Variants in CENPW observed in about 807,000 individuals in gnomAD.
CENPW encodes the protein cancer-up-regulated gene 2 protein.
Under a neutral mutation model 11.1 loss-of-function variants are expected in CENPW, and 3 were observed. The observed-to-expected ratio is 0.27, with a 90% confidence interval of 0.12 to 0.70. CENPW has a LOEUF of 0.70. Among genes scored for constraint, CENPW ranks in the 30% least tolerant of loss-of-function variants. The probability of loss-of-function intolerance (pLI) is 0.77; values close to 1 mark genes in which losing one functional copy is unlikely to be tolerated. For missense variants in CENPW, 100 were observed against 105.6 expected (o/e 0.95, Z 0.23); for synonymous variants, 38 against 42.0 (o/e 0.91, Z 0.37).
At chr6:126,340,901 A>G (rs1780294138) in intron 1 of CENPW, among the ~76,000 whole-genome samples, 1 of 151,762 alleles carries the variant, frequency 6.6e-6, no homozygotes, top group African/African-American at 2.4e-5. Context: ...TCTCTCCTCT[A>G]TTTACGCATT....
chr6:126,469,641 G>C, the CENPW span, among the ~76,000 whole-genome samples: 1 of 152,190 alleles, frequency 6.6e-6, no homozygotes. Context: ...ACTTCCTGGA[G>C]ACTTGTTGAA....
At chr6:126,463,067 G>A in the CENPW span, among the ~76,000 whole-genome samples, 2 of 151,994 alleles carry the variant, frequency 1.3e-5, no homozygotes, top group African/African-American at 4.8e-5. Context: ...ATAAAGTCTG[G>A]AATCACGAGT....
At chr6:126,456,058 G>C in the CENPW span, among the ~76,000 whole-genome samples, 1 of 151,148 alleles carries the variant, frequency 6.6e-6, no homozygotes, top group African/African-American at 2.4e-5. Context: ...AAAGAAATCA[G>C]AGATAACACA....
Position 126,340,241 on chromosome 6 carries a change from G to C in CENPW, c.-33G>C, listed in dbSNP as rs1219526811. The C allele has an allele frequency of 6.2e-7, 1 of 1,609,672 alleles. No homozygotes were observed. Among genetic ancestry groups the C allele is most frequent in the African/African-American group, 1.3e-5 (1 of 74,748 alleles). On this transcript the variant is annotated 5_prime_UTR_variant, in exon 1 of 3. Coordinates refer to ENST00000368328, the MANE Select transcript of CENPW (RefSeq NM_001012507.4). ...TTGTGTGCGATACAGAGAGCACCTC[G>C]GAAGCTGAGGCAGCTGGTACTTGAC... is the stretch of plus-strand genomic sequence containing the variant.
the CENPW span, among the ~76,000 whole-genome samples, chr6:126,480,370 C>T: frequency 6.6e-6 from 1 of 151,900 alleles, no homozygotes; most frequent in Non-Finnish European, 1.5e-5. Context: ...GTTTCTTAAC[C>T]AATGCTGGCT....
At chr6:126,344,559 G>A (rs930580258) in intron 1 of CENPW, among the ~76,000 whole-genome samples, 1 of 152,146 alleles carries the variant, frequency 6.6e-6, no homozygotes, top group Non-Finnish European at 1.5e-5. Context: ...AAATAAATGG[G>A]CTATCATTGA....
the CENPW span, among the ~76,000 whole-genome samples, chr6:126,413,470 A>T: frequency 6.6e-6 from 1 of 152,174 alleles, no homozygotes; most frequent in East Asian, 1.9e-4. Flanking sequence ...CAACTAAATT[A>T]TAATACTTAG....
the CENPW span, among the ~76,000 whole-genome samples, chr6:126,430,612 C>T: frequency 6.6e-6 from 1 of 152,096 alleles, no homozygotes; most frequent in African/African-American, 2.4e-5. Flanking sequence ...GAACTCTTTT[C>T]ATAGTAGTGG....
At chr6:126,366,875 G>C in the CENPW span, among the ~76,000 whole-genome samples, 2 of 152,182 alleles carry the variant, frequency 1.3e-5, no homozygotes, top group African/African-American at 4.8e-5. Flanking sequence ...TATCTCATCT[G>C]ATGGTGGGAG....
the CENPW span, among the ~76,000 whole-genome samples, chr6:126,436,575 T>A: frequency 6.6e-6 from 1 of 151,808 alleles, no homozygotes; most frequent in African/African-American, 2.4e-5. Flanking sequence ...AAGGATGCAG[T>A]TTAGGGTCCA....
chr6:126,380,600 TA>T, the CENPW span, among the ~76,000 whole-genome samples: 2 of 152,194 alleles, frequency 1.3e-5, no homozygotes, highest in African/African-American at 4.8e-5. Context: ...AAGCCATGGA[TA>T]GGGGGCACCC....
chr6:126,455,882 T>A, the CENPW span, among the ~76,000 whole-genome samples: 22 of 151,320 alleles, frequency 1.5e-4, no homozygotes, highest in Non-Finnish European at 2.7e-4. Flanking sequence ...AGGTTTTGGA[T>A]ACAAAATTAA....
the CENPW span, among the ~76,000 whole-genome samples, chr6:126,438,327 G>T: frequency 6.6e-6 from 1 of 151,790 alleles, no homozygotes; most frequent in East Asian, 1.9e-4. Context: ...AAATAAAAAT[G>T]TAGCTGAATG....
the CENPW span, among the ~76,000 whole-genome samples, chr6:126,480,221 T>C: frequency 1.3e-5 from 2 of 152,026 alleles, no homozygotes; most frequent in African/African-American, 4.8e-5. Context: ...ATAATGTTAA[T>C]ATAAGAAATT....
chr6:126,451,388 C>G, the CENPW span, among the ~76,000 whole-genome samples: 1 of 151,030 alleles, frequency 6.6e-6, no homozygotes. Flanking sequence ...CATTGGTGTT[C>G]TCTGGCCTGA....
At chr6:126,379,418 C>G in the CENPW span, among the ~76,000 whole-genome samples, 1 of 152,118 alleles carries the variant, frequency 6.6e-6, no homozygotes. Context: ...CTTACTAATA[C>G]TTGAGTGTGA....
At chr6:126,416,599 A>G in the CENPW span, among the ~76,000 whole-genome samples, 7 of 152,206 alleles carry the variant, frequency 4.6e-5, no homozygotes, top group South Asian at 1.5e-3. Context: ...TGTGCAGCCT[A>G]GGGACTTGGT....
the CENPW span, among the ~76,000 whole-genome samples, chr6:126,437,097 A>G: frequency 6.6e-6 from 1 of 151,778 alleles, no homozygotes; most frequent in Non-Finnish European, 1.5e-5. Flanking sequence ...GTAATTTAAA[A>G]GTTTTCATTG....
chr6:126,348,607 G>C lies in CENPW; in HGVS notation c.*115G>C. On this transcript the variant is annotated 3_prime_UTR_variant, in exon 3 of 3. Transcript: ENST00000368328. The stretch of plus-strand genomic sequence containing the variant: ...GGATTATTAAATATTGGCTATAAGT[G>C]ATGTGTGTGTTTGTATTTTTTTTCT... 1.5e-6 allele frequency: 1 copy of C among 645,444 alleles called. No individual in the cohort carries two copies. The highest frequency in any genetic ancestry group is 2.7e-6 in the Non-Finnish European group (1 of 363,770). The allele number at this position is 645,444 out of a possible 1,614,324, so 40.0% of individuals were successfully genotyped here.
Sources: allele counts gnomAD v4.1 joint callset (sites outside exome capture counted in the v4.1 genomes callset), GRCh38; gene constraint gnomAD v4.1.1; transcripts MANE v1.5; gene names NCBI Gene and HGNC (gene_info 2026-07-23, HGNC 2026-07-21).